PRKDC: variants seen among roughly 807,000 people sequenced by gnomAD.
The protein encoded by PRKDC is protein kinase, DNA-activated, catalytic subunit, also known as DNA-dependent protein kinase catalytic subunit.
PRKDC carries 82 observed loss-of-function variants against 486.9 expected under a neutral mutation model. That is an observed-to-expected ratio of 0.17 (90% CI 0.14 to 0.20). The LOEUF is 0.20. PRKDC is among the 10% of genes least tolerant of loss of function. The probability of loss-of-function intolerance (pLI) is 1.00; values close to 1 mark genes in which losing one functional copy is unlikely to be tolerated. For missense variants in PRKDC, 4,504 were observed against 5,038.2 expected, an observed-to-expected ratio of 0.89 and a Z score of 3.21; for synonymous variants, 1,895 against 1,837.0, an observed-to-expected ratio of 1.03 and a Z score of -0.81.
chr8:47,935,835 C>G lies in PRKDC; in HGVS notation c.1344G>C (p.Gln448His), dbSNP rs1484156055. 1 of 1,613,972 alleles carries G rather than the reference C, an allele frequency of 6.2e-7. No individual in the cohort carries two copies. Among genetic ancestry groups the G allele is most frequent in the Admixed American group, 1.7e-5 (1 of 60,014 alleles). ...LVVMQIDSFP[Q>H]YSPKMQLVCC... ...ACACCAGCTGCATTTTTGGACTGTA[C>G]TGTGGGAAACTGTCTATCTGCATCA... The change falls in exon 13 of 86, where the codon CAG becomes CAC. Residue 448 changes from glutamine to histidine, a missense_variant. Gln to His is a conservative substitution (Grantham distance 24). Around this residue, in one of 6 missense-constraint regions of PRKDC, gnomAD observed 1,969 missense variants for 2,068.9 expected, o/e 0.95. Transcript: ENST00000314191.
intron 68 of PRKDC, among the ~76,000 whole-genome samples, chr8:47,814,182 G>C (rs544800027): frequency 2.6e-5 from 4 of 152,290 alleles, no homozygotes; most frequent in South Asian, 4.1e-4. Context: ...ATTCATTCAT[G>C]ATAAAACAAA....
At chr8:47,886,453 G>C (rs1024526151) in intron 35 of PRKDC, among the ~76,000 whole-genome samples, 3 of 151,944 alleles carry the variant, frequency 2.0e-5, no homozygotes, top group Admixed American at 2.0e-4. Context: ...ACAGTGGCAC[G>C]ATCTCGGCTC....
intron 40 of PRKDC, among the ~76,000 whole-genome samples, chr8:47,865,558 A>C (rs2088789536): frequency 6.6e-6 from 1 of 152,160 alleles, no homozygotes; most frequent in African/African-American, 2.4e-5. Flanking sequence ...TAAATCTATA[A>C]ATTAAGAATG....
chr8:47,944,294 A>C (rs2090493685), intron 7 of PRKDC, among the ~76,000 whole-genome samples: 1 of 152,116 alleles, frequency 6.6e-6, no homozygotes, highest in Non-Finnish European at 1.5e-5. Context: ...TTTAAACACC[A>C]ACTCATCACT....
At chr8:47,778,102 A>C (rs1440036281) in intron 83 of PRKDC, among the ~76,000 whole-genome samples, 1 of 152,202 alleles carries the variant, frequency 6.6e-6, no homozygotes, top group Admixed American at 6.5e-5. Context: ...ACAGGGCCGC[A>C]GAGATTGAGA....
At chr8:47,834,058 G>A (rs1026919312) in intron 59 of PRKDC, 138 bp downstream of exon 59, 3 of 1,105,214 alleles carry the variant, frequency 2.7e-6, no homozygotes, top group African/African-American at 3.1e-5. Context: ...GAGTGCCTAG[G>A]CAACATTAAC....
chr8:47,950,570 A>G (rs186969892), intron 7 of PRKDC, among the ~76,000 whole-genome samples: 73 of 150,204 alleles, frequency 4.9e-4, no homozygotes, highest in African/African-American at 1.7e-3. Context: ...GGGAGCTTGC[A>G]GTGAGCCAAG....
intron 66 of PRKDC, 44 bp from the exon 67 acceptor site, chr8:47,819,554 G>A (rs774896793): frequency 1.9e-6 from 2 of 1,031,692 alleles, no homozygotes; most frequent in East Asian, 2.8e-5. Flanking sequence ...CAAATGCCAT[G>A]TTATAAATCA....
In PRKDC at chr8:47,837,336, T is replaced by C. The variant is rs751177822; in HGVS notation, c.7637A>G (p.Tyr2546Cys). 2.4e-5 allele frequency: 38 copies of C among 1,613,042 alleles called. No homozygotes were observed. In the South Asian group the frequency reaches 3.8e-4, roughly 16 times the overall value. The stretch of plus-strand genomic sequence containing the variant: ...AAAGTGCACTTCTATCTTAGGAGAA[T>C]ATAAGGAATTTAGTGCCAGCAACCG... ...LDRLLALNSL[Y>C]SPKIEVHFLS... Residue 2546 changes from tyrosine to cysteine, a missense_variant, in exon 57 of 86, where the codon TAT becomes TGT. Physicochemically the swap from Tyr to Cys is radical, Grantham distance 194. This residue lies in a region of PRKDC where 1,592 missense variants were observed against 1,724.6 expected (regional missense o/e 0.92). Transcript: ENST00000314191.
intron 67 of PRKDC, among the ~76,000 whole-genome samples, chr8:47,818,457 T>C (rs1415374570): frequency 4.0e-5 from 6 of 151,412 alleles, no homozygotes; most frequent in Non-Finnish European, 7.4e-5. Flanking sequence ...CGGGAGCCTA[T>C]AGTCCCAGCT....
intron 10 of PRKDC, among the ~76,000 whole-genome samples, chr8:47,941,643 G>A (rs140424098): frequency 9.1e-4 from 138 of 152,274 alleles, no homozygotes; most frequent in African/African-American, 3.0e-3. Flanking sequence ...CGCTTCCTTC[G>A]GTTGATTTTT....
chr8:47,822,228 G>T (rs1467249243), intron 64 of PRKDC, among the ~76,000 whole-genome samples: 1 of 151,838 alleles, frequency 6.6e-6, no homozygotes, highest in Non-Finnish European at 1.5e-5. Context: ...AGGAGGTTGA[G>T]GCTGCAGTAA....
chr8:47,930,805 G>T lies in PRKDC; in HGVS notation c.1777-18C>A. 1 of 1,543,124 alleles carries T rather than the reference G, an allele frequency of 6.5e-7. No homozygotes were observed. Among genetic ancestry groups the T allele is most frequent in the Non-Finnish European group, 8.7e-7 (1 of 1,145,192 alleles). ...TCTCCATTCTTAAAGAGTAATTGTA[G>T]CAAAGAAACATTGTACCATTCAATC... On this transcript the variant is annotated intron_variant, in intron 16 of 85. Coordinates refer to ENST00000314191, the MANE Select transcript of PRKDC (RefSeq NM_006904.7).
At chr8:47,892,224 C>T (rs934556002) in intron 31 of PRKDC, among the ~76,000 whole-genome samples, 4 of 151,974 alleles carry the variant, frequency 2.6e-5, no homozygotes, top group Admixed American at 6.6e-5. Flanking sequence ...AAATTCCAAC[C>T]GCATAATTTT....
At chr8:47,793,327 C>T (rs994082585) in intron 74 of PRKDC, among the ~76,000 whole-genome samples, 3 of 152,328 alleles carry the variant, frequency 2.0e-5, no homozygotes, top group Middle Eastern at 3.4e-3. Flanking sequence ...CACCCATTAA[C>T]TGCAACAGAA....
At chr8:47,936,237 A>C (rs562897740) in intron 12 of PRKDC, 116 bp downstream of exon 12, 11 of 1,200,954 alleles carry the variant, frequency 9.2e-6, no homozygotes, top group African/African-American at 1.5e-5. Context: ...GTACTAACTA[A>C]AACTGTCATG....
chr8:47,870,808 G>A (rs1355012270), intron 40 of PRKDC, among the ~76,000 whole-genome samples: 2 of 152,150 alleles, frequency 1.3e-5, no homozygotes, highest in Non-Finnish European at 2.9e-5. Flanking sequence ...TAGCTGTTTT[G>A]AGGAAGGCCA....
intron 31 of PRKDC, among the ~76,000 whole-genome samples, chr8:47,890,728 G>C (rs2089439636): frequency 6.6e-6 from 1 of 152,084 alleles, no homozygotes; most frequent in African/African-American, 2.4e-5. Context: ...AAATTAATAT[G>C]CTCATTTTAA....
intron 31 of PRKDC, among the ~76,000 whole-genome samples, chr8:47,892,719 A>C (rs1334535988): frequency 6.6e-6 from 1 of 152,246 alleles, no homozygotes; most frequent in Admixed American, 6.5e-5. Context: ...TTAATACTTT[A>C]GGATAAAATC....
Sources: allele counts gnomAD v4.1 joint callset (sites outside exome capture counted in the v4.1 genomes callset), GRCh38; gene constraint gnomAD v4.1.1; regional missense constraint gnomAD v4.1.1; transcripts MANE v1.5; gene names NCBI Gene and HGNC (gene_info 2026-07-23, HGNC 2026-07-21).